MPRIP: variants seen among roughly 807,000 people sequenced by gnomAD.
The protein encoded by MPRIP is myosin phosphatase Rho interacting protein.
Under a neutral mutation model 234.9 loss-of-function variants are expected in MPRIP, and 59 were observed. The observed-to-expected ratio is 0.25, with a 90% confidence interval of 0.20 to 0.31. MPRIP has a LOEUF of 0.31. Among genes scored for constraint, MPRIP ranks in the 10% least tolerant of loss-of-function variants. The pLI is 1.00. For synonymous variants in MPRIP, 1,144 were observed against 1,263.9 expected, an observed-to-expected ratio of 0.91 and a Z score of 2.01; for missense variants, 2,436 against 3,071.0, an observed-to-expected ratio of 0.79 and a Z score of 4.89.
intron 1 of MPRIP, among the ~76,000 whole-genome samples, chr17:17,066,662 A>G (rs977761690): frequency 2.9e-4 from 39 of 134,766 alleles, no homozygotes; most frequent in African/African-American, 1.0e-3. Flanking sequence ...GTTGGAACTC[A>G]TTTTTGATTG....
chr17:17,075,015 T>G (rs553208673), intron 1 of MPRIP, among the ~76,000 whole-genome samples: 2 of 152,312 alleles, frequency 1.3e-5, no homozygotes, highest in South Asian at 4.1e-4. Context: ...GGGGTGAAAT[T>G]GCTGGGCCCT....
chr17:17,129,775 G>T (rs1462477017), intron 4 of MPRIP, among the ~76,000 whole-genome samples: 1 of 152,206 alleles, frequency 6.6e-6, no homozygotes, highest in Non-Finnish European at 1.5e-5. Context: ...TACCTGGCAG[G>T]GTTCTGCACC....
chr17:17,152,282 C>G (rs555899855), intron 12 of MPRIP, among the ~76,000 whole-genome samples: 29 of 152,352 alleles, frequency 1.9e-4, no homozygotes, highest in African/African-American at 5.8e-4. Flanking sequence ...GGCATAGTGC[C>G]CGGTGAGCCT....
chr17:17,184,763 G>A, intron 23 of MPRIP, 60 bp from the exon 24 acceptor site: 2 of 1,374,200 alleles, frequency 1.5e-6, no homozygotes, highest in Admixed American at 1.7e-5. Flanking sequence ...GTCCGGTCCG[G>A]TCCAGTGCAG....
chr17:17,046,073 G>A (rs959406129), intron 1 of MPRIP, among the ~76,000 whole-genome samples: 17 of 152,202 alleles, frequency 1.1e-4, no homozygotes, highest in Admixed American at 4.6e-4. Context: ...CCAAAGTGCC[G>A]GGATTACAGG....
chr17:17,135,325 A>G (rs1477587413), intron 5 of MPRIP, among the ~76,000 whole-genome samples: 2 of 152,154 alleles, frequency 1.3e-5, no homozygotes, highest in East Asian at 1.9e-4. Context: ...TTGGGGATTG[A>G]CACCTTTTCC....
intron 21 of MPRIP, 127 bp downstream of exon 21, chr17:17,176,639 G>A: frequency 1.3e-6 from 1 of 749,242 alleles, no homozygotes; most frequent in East Asian, 2.6e-5. Flanking sequence ...GAGGAAGGAG[G>A]TTTCCAAAAT....
At chr17:17,173,767 C>G (rs1034994246) in intron 18 of MPRIP, 149 bp from the exon 19 acceptor site, 2 of 890,364 alleles carry the variant, frequency 2.2e-6, no homozygotes, top group African/African-American at 3.3e-5. Context: ...GTAAGGGATC[C>G]CTTACTCTGT....
At chr17:17,168,954 G>A (rs147443379) in intron 16 of MPRIP, 347 of 456,826 alleles carry the variant, frequency 7.6e-4, no homozygotes, top group African/African-American at 5.9e-3. Context: ...TTCCCAGCCC[G>A]TTACTCCTGT....
intron 4 of MPRIP, among the ~76,000 whole-genome samples, chr17:17,130,267 C>T (rs1023179291): frequency 5.3e-5 from 8 of 152,162 alleles, no homozygotes; most frequent in Non-Finnish European, 1.2e-4. Context: ...GTCAACAGCA[C>T]ACCCATCCTG....
intron 11 of MPRIP, among the ~76,000 whole-genome samples, chr17:17,148,932 T>A (rs184260409): frequency 6.6e-6 from 1 of 152,328 alleles, no homozygotes; most frequent in Admixed American, 6.5e-5. Flanking sequence ...TTCCCTTTAC[T>A]TACACTCTCC....
chr17:17,121,347 C>A (rs2090384553), intron 3 of MPRIP, among the ~76,000 whole-genome samples: 1 of 152,190 alleles, frequency 6.6e-6, no homozygotes, highest in Admixed American at 6.5e-5. Flanking sequence ...TGTATCCAAA[C>A]CTAGCAAAAC....
At chr17:17,057,957 A>G (rs544797056) in intron 1 of MPRIP, 3 of 443,800 alleles carry the variant, frequency 6.8e-6, no homozygotes, top group Admixed American at 3.7e-5. Context: ...TGAACCTGCC[A>G]CCCAACTTAA....
chr17:17,106,954 G>T (rs1293541533), intron 3 of MPRIP, among the ~76,000 whole-genome samples: 1 of 152,228 alleles, frequency 6.6e-6, no homozygotes, highest in Non-Finnish European at 1.5e-5. Flanking sequence ...GGCCTTCCTG[G>T]AATGCTGGCA....
At chr17:17,180,618 G>T in intron 23 of MPRIP, 1 of 1,613,928 alleles carries the variant, frequency 6.2e-7, no homozygotes, top group Non-Finnish European at 8.5e-7. Context: ...CCGTAATTGA[G>T]CAGGTCTCGT....
Position 17,165,825 on chromosome 17 carries a change from C to T in MPRIP, c.4234C>T (p.Arg1412Cys), listed in dbSNP as rs201843718. The T allele has an allele frequency of 4.6e-6, 6 of 1,304,304 alleles. No individual in the cohort carries two copies. The highest frequency in any genetic ancestry group is 1.1e-4 in the East Asian group (2 of 18,026). The allele number at this position is 1,304,304 out of a possible 1,614,324, so 80.8% of individuals were successfully genotyped here. A position where few individuals can be genotyped will look rare whatever the true frequency, so the allele number is the denominator to read the frequency against. ...VRLESQQGQSREALLALHHQW... is the reference protein window; with the variant it reads ...VRLESQQGQSCEALLALHHQW... The stretch of plus-strand genomic sequence containing the variant: ...GCTGGAGAGCCAGCAGGGTCAGAGC[C>T]GTGAGGCACTGCTCGCACTGCACCA... Residue 1412 changes from arginine (R) to cysteine (C), a missense_variant, in exon 16 of 24, where the codon CGT becomes TGT. Physicochemically the swap from Arg to Cys is radical, Grantham distance 180 (BLOSUM62 -3). Transcript: ENST00000651222.
intron 11 of MPRIP, among the ~76,000 whole-genome samples, chr17:17,148,973 C>T (rs572679192): frequency 2.6e-5 from 4 of 152,254 alleles, no homozygotes; most frequent in South Asian, 2.1e-4. Flanking sequence ...TTAGCAAAGG[C>T]GATATTTTAA....
intron 3 of MPRIP, among the ~76,000 whole-genome samples, chr17:17,106,568 C>T (rs1327047715): frequency 2.0e-5 from 3 of 151,524 alleles, no homozygotes; most frequent in East Asian, 2.0e-4. Context: ...CTTCCAGAAC[C>T]GGATCTTCCT....
intron 3 of MPRIP, among the ~76,000 whole-genome samples, chr17:17,095,154 G>A (rs919497165): frequency 6.6e-6 from 1 of 152,144 alleles, no homozygotes; most frequent in African/African-American, 2.4e-5. Context: ...CATCCTGTTT[G>A]TGTTTCATGG....
Sources: allele counts gnomAD v4.1 joint callset (sites outside exome capture counted in the v4.1 genomes callset), GRCh38; gene constraint gnomAD v4.1.1; transcripts MANE v1.5; gene names NCBI Gene and HGNC (gene_info 2026-07-23, HGNC 2026-07-21).